Variants in KHDRBS2 observed in about 807,000 individuals in gnomAD.
KHDRBS2 encodes the protein KH RNA binding domain containing, signal transduction associated 2.
Under a neutral mutation model 44.3 loss-of-function variants are expected in KHDRBS2, and 26 were observed. The observed-to-expected ratio is 0.59, with a 90% CI of 0.43 to 0.81. The LOEUF (loss-of-function observed/expected upper bound fraction) is 0.81, where lower values mean the gene tolerates loss of function less well. Ranked by LOEUF, KHDRBS2 falls within the 40% of genes least tolerant of loss-of-function variation. The pLI, the probability that KHDRBS2 is intolerant of heterozygous loss-of-function variation, is 0.00. For synonymous variants in KHDRBS2, 194 were observed against 151.1 expected (o/e 1.28, Z -2.08); for missense variants, 476 against 433.1 (o/e 1.10, Z -0.88).
At chr6:62,078,630 T>A (rs1364995847) in intron 2 of KHDRBS2, among the ~76,000 whole-genome samples, 1 of 151,954 alleles carries the variant, frequency 6.6e-6, no homozygotes, top group Admixed American at 6.6e-5. Context: ...TTTATACCAT[T>A]GAAGTCATGA....
intron 2 of KHDRBS2, among the ~76,000 whole-genome samples, chr6:62,136,518 T>TAATTTTGTATGACTGTCAC (rs1229839359): frequency 6.6e-6 from 1 of 152,236 alleles, no homozygotes; most frequent in African/African-American, 2.4e-5. Context: ...TAGATTATCT[T>TAATTTTGTATGACTGTCAC]AATTTTGTAT....
intron 1 of KHDRBS2, among the ~76,000 whole-genome samples, chr6:62,207,299 G>T (rs73760323): frequency 0.01 from 1,549 of 152,106 alleles, 31 homozygotes; most frequent in African/African-American, 0.035. Context: ...CAAAATTAAT[G>T]ATTTTAAAGG....
chr6:61,871,236 T>C (rs1798615433), intron 6 of KHDRBS2, among the ~76,000 whole-genome samples: 1 of 151,972 alleles, frequency 6.6e-6, no homozygotes, highest in East Asian at 1.9e-4. Flanking sequence ...GCTGGATTGA[T>C]CAAATGAAAG....
At chr6:62,142,557 T>G (rs537427773) in intron 2 of KHDRBS2, among the ~76,000 whole-genome samples, 1 of 151,960 alleles carries the variant, frequency 6.6e-6, no homozygotes, top group African/African-American at 2.4e-5. Context: ...TAAGTAAACA[T>G]CAGTAGCACT....
chr6:61,968,387 T>C (rs1245107359), intron 4 of KHDRBS2, among the ~76,000 whole-genome samples: 4 of 152,004 alleles, frequency 2.6e-5, no homozygotes, highest in Non-Finnish European at 4.4e-5. Context: ...TTGCCTATGT[T>C]TAAAACAACC....
chr6:62,121,628 C>T (rs1193589670), intron 2 of KHDRBS2, among the ~76,000 whole-genome samples: 3 of 152,218 alleles, frequency 2.0e-5, no homozygotes, highest in Non-Finnish European at 4.4e-5. Context: ...CAGCAATATA[C>T]CTTCACTGTC....
chr6:61,992,469 G>A (rs961517639), intron 3 of KHDRBS2, among the ~76,000 whole-genome samples: 3 of 152,094 alleles, frequency 2.0e-5, no homozygotes, highest in African/African-American at 7.2e-5. Context: ...TATCTTCCAT[G>A]TAATATCTTC....
chr6:62,084,268 G>A (rs1250944695), intron 2 of KHDRBS2, among the ~76,000 whole-genome samples: 1 of 152,110 alleles, frequency 6.6e-6, no homozygotes, highest in Non-Finnish European at 1.5e-5. Context: ...CATCTTCATG[G>A]ACAGGCTTTT....
intron 6 of KHDRBS2, among the ~76,000 whole-genome samples, chr6:61,790,166 G>T (rs1033510165): frequency 2.6e-5 from 4 of 151,330 alleles, no homozygotes; most frequent in Non-Finnish European, 5.9e-5. Flanking sequence ...TTCAGAAGAT[G>T]TCTTTATAAG....
the KHDRBS2 span, among the ~76,000 whole-genome samples, chr6:61,551,668 G>A: frequency 4.0e-4 from 61 of 152,208 alleles, no homozygotes; most frequent in African/African-American, 1.4e-3. Flanking sequence ...AGACCAGATG[G>A]TTGTAGGTGT....
intron 2 of KHDRBS2, among the ~76,000 whole-genome samples, chr6:62,072,761 T>C (rs572732163): frequency 3.3e-4 from 51 of 152,256 alleles, no homozygotes; most frequent in Non-Finnish European, 5.0e-4. Context: ...TATTGAGGAT[T>C]TTTGCATCGA....
At chr6:62,240,306 C>A (rs974897897) in intron 1 of KHDRBS2, among the ~76,000 whole-genome samples, 10 of 151,982 alleles carry the variant, frequency 6.6e-5, no homozygotes, top group African/African-American at 2.4e-4. Flanking sequence ...AAATTCTTTA[C>A]TTTCTAGTAC....
chr6:62,089,438 C>A (rs1799079196), intron 2 of KHDRBS2, among the ~76,000 whole-genome samples: 1 of 152,082 alleles, frequency 6.6e-6, no homozygotes, highest in Non-Finnish European at 1.5e-5. Flanking sequence ...CAGGATAGCA[C>A]CATCCCCCAT....
chr6:62,206,882 C>T (rs1431144303), intron 1 of KHDRBS2, among the ~76,000 whole-genome samples: 3 of 152,006 alleles, frequency 2.0e-5, no homozygotes, highest in Non-Finnish European at 2.9e-5. Context: ...AGTAAAAATT[C>T]CTTAATTTGT....
intron 6 of KHDRBS2, among the ~76,000 whole-genome samples, chr6:61,841,231 A>T (rs1793548113): frequency 6.6e-6 from 1 of 152,142 alleles, no homozygotes; most frequent in Non-Finnish European, 1.5e-5. Flanking sequence ...AAAACAGGTA[A>T]TAAATGCACT....
At chr6:61,778,981 G>A (rs1002207581) in intron 6 of KHDRBS2, among the ~76,000 whole-genome samples, 9 of 152,032 alleles carry the variant, frequency 5.9e-5, no homozygotes, top group African/African-American at 1.9e-4. Flanking sequence ...CCACACTGAC[G>A]TTTCCTTTCT....
intron 1 of KHDRBS2, among the ~76,000 whole-genome samples, chr6:62,236,827 G>T (rs1833784853): frequency 6.6e-6 from 1 of 152,084 alleles, no homozygotes; most frequent in Non-Finnish European, 1.5e-5. Context: ...GTAACTTACA[G>T]TACCAGAAGA....
intron 1 of KHDRBS2, among the ~76,000 whole-genome samples, chr6:62,197,543 C>G (rs1825952998): frequency 6.6e-6 from 1 of 152,198 alleles, no homozygotes; most frequent in Non-Finnish European, 1.5e-5. Context: ...ATTTATCACA[C>G]TCAGCATTAA....
intron 4 of KHDRBS2, among the ~76,000 whole-genome samples, chr6:61,972,629 G>A (rs531670667): frequency 6.6e-6 from 1 of 152,248 alleles, no homozygotes; most frequent in South Asian, 2.1e-4. Flanking sequence ...TCTGGATTAT[G>A]GATTCTGCTT....
Sources: gnomAD v4.1 joint callset for allele counts (sites outside exome capture counted in the v4.1 genomes callset) on GRCh38, gnomAD v4.1.1 for gene constraint, MANE v1.5 for transcripts, NCBI Gene and HGNC (gene_info 2026-07-23, HGNC 2026-07-21) for gene names.